HDAC1: variants seen among roughly 807,000 people sequenced by gnomAD.
The protein encoded by HDAC1 is histone deacetylase 1.
A neutral mutation model predicts 65.5 loss-of-function variants in HDAC1; 18 were observed. The ratio of observed to expected loss-of-function variants is 0.27; its 90% CI spans 0.19 to 0.41. The LOEUF (loss-of-function observed/expected upper bound fraction) is 0.41, where lower values mean the gene tolerates loss of function less well. Among genes scored for constraint, HDAC1 ranks in the 10% least tolerant of loss-of-function variants. HDAC1 has a pLI of 1.00. For synonymous variants in HDAC1, 211 were observed against 227.9 expected, an observed-to-expected ratio of 0.93 and a Z score of 0.67; for missense variants, 373 against 625.2, an observed-to-expected ratio of 0.60 and a Z score of 4.30.
intron 1 of HDAC1, among the ~76,000 whole-genome samples, chr1:32,293,708 C>T (rs1262687076): frequency 6.6e-6 from 1 of 152,036 alleles, no homozygotes; most frequent in Non-Finnish European, 1.5e-5. Context: ...TCAAGACCAG[C>T]CTGACCAACA....
chr1:32,329,064 T>A lies in HDAC1; in HGVS notation c.637-4T>A. The A allele has an allele frequency of 6.3e-7, 1 of 1,579,762 alleles. No individual in the cohort carries two copies. Among genetic ancestry groups the A allele is most frequent in the Non-Finnish European group, 8.7e-7 (1 of 1,148,810 alleles). On this transcript the variant is annotated splice_region_variant and splice_polypyrimidine_tract_variant and intron_variant, in intron 6 of 13. Coordinates refer to ENST00000373548, the MANE Select transcript of HDAC1 (RefSeq NM_004964.3). This position sits in a 1 kb window ranked among gnomAD's most constrained non-coding sequence, Gnocchi z 4.1. ...AGTTTTACTTTAATGGCCTTTTTAA[T>A]TAGGATATCGGGGCTGGCAAAGGCA...
At chr1:32,299,030 A>G (rs981346655) in intron 1 of HDAC1, among the ~76,000 whole-genome samples, 1 of 152,168 alleles carries the variant, frequency 6.6e-6, no homozygotes, top group Non-Finnish European at 1.5e-5. Flanking sequence ...AGTAGTACCT[A>G]AATAAAAAGG....
intron 3 of HDAC1, among the ~76,000 whole-genome samples, chr1:32,321,507 A>G (rs771235641): frequency 6.6e-6 from 1 of 151,962 alleles, no homozygotes; most frequent in Non-Finnish European, 1.5e-5. Flanking sequence ...CTCACCCAGT[A>G]TTGCTTCCCT....
At chr1:32,309,438 G>A (rs1041499469) in intron 2 of HDAC1, among the ~76,000 whole-genome samples, 1 of 152,108 alleles carries the variant, frequency 6.6e-6, no homozygotes, top group African/African-American at 2.4e-5. Flanking sequence ...TGCAATCCCA[G>A]CACTTTGGGA....
At chr1:32,332,533 A>G (rs6697130) in intron 12 of HDAC1, among the ~76,000 whole-genome samples, 168 bp from the exon 13 acceptor site, 15,489 of 152,232 alleles carry the variant, frequency 0.1, 2,621 homozygotes, top group African/African-American at 0.35. Flanking sequence ...CTGGGAAACC[A>G]GTCCAACCTG....
Position 32,330,857 on chromosome 1 carries a change from C to T in HDAC1, c.928C>T (p.Arg310Trp), listed in dbSNP as rs1641281701. The change falls in exon 9 of 14, where the codon CGG becomes TGG. Residue 310 changes from arginine (R) to tryptophan (W), a missense_variant. Arg to Trp is a moderately radical substitution (Grantham distance 101). Transcript: ENST00000373548. The surrounding 1 kb of genome is among the most constrained non-coding windows in gnomAD (Gnocchi z 4.2). The stretch of plus-strand genomic sequence containing the variant: ...TGGTTACACCATTCGTAACGTTGCC[C>T]GGTGCTGGACATATGAGACAGCTGT... ...GGGYTIRNVARCWTYETAVAL... is the reference protein window; with the variant it reads ...GGGYTIRNVAWCWTYETAVAL... 7.4e-6 allele frequency: 12 copies of T among 1,613,966 alleles called. No individual in the cohort carries two copies. The highest frequency in any genetic ancestry group is 2.2e-5 in the East Asian group (1 of 44,898).
Position 32,332,067 on chromosome 1 carries a change from C to T in HDAC1, c.1220-23C>T, listed in dbSNP as rs373556356. On this transcript the variant is annotated intron_variant, in intron 11 of 13. Coordinates refer to ENST00000373548, the MANE Select transcript of HDAC1 (RefSeq NM_004964.3). ...AATCAGCACCCGCCTGCCCTCTCAC[C>T]CATGCTTCCCACTCCCTCCCAGTCT... The T allele has an allele frequency of 2.4e-5, 37 of 1,560,924 alleles. No homozygotes were observed. In the African/African-American group the frequency reaches 4.2e-4, roughly 18 times the overall value.
At position 32,327,598 on chromosome 1, in the gene HDAC1, CCTT is replaced by C; in HGVS notation, c.560_562del (p.Phe187del). On this transcript the variant is annotated inframe_deletion, in exon 6 of 14. Transcript: ENST00000373548. This position sits in a 1 kb window ranked among gnomAD's most constrained non-coding sequence, Gnocchi z 6.0. ...CACCATGGTGACGGCGTGGAAGAGG[CCTT>C]CTACACCACGGACCGGGTCATGACT... 6.2e-7 allele frequency: 1 copy of C among 1,609,666 alleles called. No individual in the cohort carries two copies. The highest frequency in any genetic ancestry group is 8.5e-7 in the Non-Finnish European group (1 of 1,176,022).
chr1:32,322,215 A>G (rs1641157386), intron 3 of HDAC1, among the ~76,000 whole-genome samples: 1 of 151,712 alleles, frequency 6.6e-6, no homozygotes. Context: ...GAGAATAAGT[A>G]TGCAGCCCCA....
chr1:32,325,913 G>T (rs951465526), intron 4 of HDAC1, among the ~76,000 whole-genome samples: 1 of 151,978 alleles, frequency 6.6e-6, no homozygotes, highest in African/African-American at 2.4e-5. Flanking sequence ...TGTAATCCCA[G>T]CTACTTGGGA....
intron 2 of HDAC1, among the ~76,000 whole-genome samples, chr1:32,307,599 A>G (rs1239777078): frequency 6.6e-6 from 1 of 152,210 alleles, no homozygotes; most frequent in Non-Finnish European, 1.5e-5. Context: ...ACAAAATTTC[A>G]TAACAAATGG....
intron 3 of HDAC1, among the ~76,000 whole-genome samples, chr1:32,318,463 T>G (rs1477874710): frequency 2.6e-5 from 4 of 151,430 alleles, no homozygotes; most frequent in African/African-American, 9.7e-5. Flanking sequence ...CTCAGGAGGT[T>G]GAGGAGGGAG....
chr1:32,313,368 T>C (rs958731335), intron 2 of HDAC1, among the ~76,000 whole-genome samples: 1 of 152,156 alleles, frequency 6.6e-6, no homozygotes, highest in African/African-American at 2.4e-5. Context: ...GTGCTGGGAT[T>C]ACAGGTGTGA....
intron 3 of HDAC1, among the ~76,000 whole-genome samples, chr1:32,321,958 C>T (rs1274034034): frequency 2.0e-5 from 3 of 152,130 alleles, no homozygotes; most frequent in African/African-American, 7.2e-5. Flanking sequence ...GGAAGAGACC[C>T]ACCCGCTGCA....
intron 1 of HDAC1, among the ~76,000 whole-genome samples, chr1:32,300,747 T>C (rs1333511799): frequency 6.6e-6 from 1 of 152,126 alleles, no homozygotes; most frequent in Non-Finnish European, 1.5e-5. Context: ...TACTGTGGTG[T>C]GAAGGTGAAT....
Position 32,324,564 on chromosome 1 carries a change from T to C in HDAC1, c.355+11T>C. On this transcript the variant is annotated intron_variant, in intron 4 of 13. Transcript: ENST00000373548. ...CTGGTGGTTCTGTGGGTAAGGAATATTCATCTTCTCCCCAGGGGTAGACTG... is the reference window on the plus strand; with the variant it reads ...CTGGTGGTTCTGTGGGTAAGGAATACTCATCTTCTCCCCAGGGGTAGACTG... The C allele has an allele frequency of 6.3e-7, 1 of 1,583,836 alleles. No individual in the cohort carries two copies. The highest frequency in any genetic ancestry group is 8.7e-7 in the Non-Finnish European group (1 of 1,152,404).
chr1:32,295,732 G>T (rs1640759977), intron 1 of HDAC1, among the ~76,000 whole-genome samples: 1 of 152,136 alleles, frequency 6.6e-6, no homozygotes, highest in African/African-American at 2.4e-5. Flanking sequence ...GACACATTCA[G>T]ACCATAACAA....
At chr1:32,292,299 G>C in intron 1 of HDAC1, 81 bp downstream of exon 1, 1 of 1,537,476 alleles carries the variant, frequency 6.5e-7, no homozygotes, top group Non-Finnish European at 8.8e-7. Context: ...AGCGCCGATG[G>C]GAGGCTGCGG....
chr1:32,329,260 T>C lies in HDAC1; in HGVS notation c.729+100T>C. 1 of 786,620 alleles carries C rather than the reference T, an allele frequency of 1.3e-6. No individual in the cohort carries two copies. Among genetic ancestry groups the C allele is most frequent in the South Asian group, 1.4e-5 (1 of 73,678 alleles). The allele number at this position is 786,620 out of a possible 1,614,324, so 48.7% of individuals were successfully genotyped here. ...CCATACCTCAGGAATCTCTCCTTAC[T>C]AAAGCTGGTGGGGAGATAGAAGTGT... is the stretch of plus-strand genomic sequence containing the variant. On this transcript the variant is annotated intron_variant, in intron 7 of 13. Transcript: ENST00000373548. The surrounding 1 kb of genome is among the most constrained non-coding windows in gnomAD (Gnocchi z 4.1).
Sources: allele counts gnomAD v4.1 joint callset (sites outside exome capture counted in the v4.1 genomes callset), GRCh38; gene constraint gnomAD v4.1.1; non-coding constraint Gnocchi (gnomAD v3.1); transcripts MANE v1.5; gene names NCBI Gene and HGNC (gene_info 2026-07-23, HGNC 2026-07-21).